The following PCDHGA1 variants were observed in gnomAD, a reference collection of about 807,000 sequenced individuals.
PCDHGA1 encodes the protein protocadherin gamma subfamily A, 1.
In PCDHGA1, 32 loss-of-function variants were observed where a neutral mutation model predicts 58.0. The observed-to-expected ratio is 0.55, with a 90% confidence interval of 0.42 to 0.74. The LOEUF (loss-of-function observed/expected upper bound fraction) is 0.74, where lower values mean the gene tolerates loss of function less well. Among genes scored for constraint, PCDHGA1 ranks in the 30% least tolerant of loss-of-function variants. The pLI, the probability that PCDHGA1 is intolerant of heterozygous loss-of-function variation, is 0.00. For synonymous variants in PCDHGA1, 498 were observed against 501.1 expected (o/e 0.99, Z 0.08); for missense variants, 1,205 against 1,182.3 (o/e 1.02, Z -0.28).
chr5:141,374,475 C>T (rs765909880), intron 1 of PCDHGA1: 4 of 1,612,136 alleles, frequency 2.5e-6, no homozygotes, highest in Admixed American at 1.7e-5. Context: ...GACAATACAC[C>T]CCGATTCTTA....
chr5:141,390,105 T>C (rs2092048923), intron 1 of PCDHGA1: 4 of 1,614,052 alleles, frequency 2.5e-6, no homozygotes, highest in African/African-American at 1.3e-5. Flanking sequence ...TCCCCCCAAC[T>C]ACAGCGAGGG....
At chr5:141,460,909 G>A (rs1473458228) in intron 1 of PCDHGA1, among the ~76,000 whole-genome samples, 4 of 123,246 alleles carry the variant, frequency 3.2e-5, no homozygotes, top group Non-Finnish European at 6.6e-5. Context: ...AATATTCCAT[G>A]GTGTATATAT....
At chr5:141,360,817 A>C (rs772114545) in intron 1 of PCDHGA1, 1 of 1,614,006 alleles carries the variant, frequency 6.2e-7, no homozygotes, top group South Asian at 1.1e-5. Context: ...CACGACCCAA[A>C]TCCGAATCAA....
At chr5:141,470,252 C>T (rs1010559144) in intron 1 of PCDHGA1, among the ~76,000 whole-genome samples, 3 of 152,160 alleles carry the variant, frequency 2.0e-5, no homozygotes, top group Admixed American at 1.3e-4. Context: ...TCCCACCTGT[C>T]TAAATGGAGA....
At chr5:141,344,809 C>T in intron 1 of PCDHGA1, 1 of 1,613,952 alleles carries the variant, frequency 6.2e-7, no homozygotes, top group Non-Finnish European at 8.5e-7. Flanking sequence ...CCTGTGGGTA[C>T]CCGGCTGCTC....
intron 1 of PCDHGA1, chr5:141,388,815 A>G: frequency 1.2e-6 from 2 of 1,613,992 alleles, no homozygotes; most frequent in Non-Finnish European, 1.7e-6. Flanking sequence ...TGAAGAAGTC[A>G]AAGAATATTC....
intron 1 of PCDHGA1, chr5:141,339,586 G>A: frequency 3.7e-6 from 6 of 1,614,190 alleles, no homozygotes; most frequent in East Asian, 2.2e-5. Flanking sequence ...GCGAGGAAGA[G>A]GCTGTTCACC....
At chr5:141,371,910 T>C in intron 1 of PCDHGA1, 1 of 1,613,364 alleles carries the variant, frequency 6.2e-7, no homozygotes, top group South Asian at 1.1e-5. Flanking sequence ...GTCCTACGTG[T>C]CCGTGAGCGC....
chr5:141,404,361 C>A, intron 1 of PCDHGA1: 3 of 1,613,956 alleles, frequency 1.9e-6, no homozygotes, highest in Non-Finnish European at 2.5e-6. Context: ...AGAGGTACTT[C>A]CATCTTCTCC....
At chr5:141,360,280 A>T (rs1761513313) in intron 1 of PCDHGA1, 1 of 1,613,856 alleles carries the variant, frequency 6.2e-7, no homozygotes, top group African/African-American at 1.3e-5. Context: ...GGTCGTAGGA[A>T]ACCTCGCCAA....
chr5:141,468,339 A>G (rs1320544911), intron 1 of PCDHGA1: 2 of 151,348 alleles, frequency 1.3e-5, no homozygotes, highest in Non-Finnish European at 2.9e-5. Context: ...TCAAAAAAAA[A>G]AAAAAAAAAA....
chr5:141,452,015 C>T (rs2098730990), intron 1 of PCDHGA1, among the ~76,000 whole-genome samples: 1 of 152,306 alleles, frequency 6.6e-6, no homozygotes, highest in African/African-American at 2.4e-5. Context: ...GTCCAGCCCA[C>T]ACTCTGGGGA....
intron 1 of PCDHGA1, chr5:141,422,184 A>T: frequency 6.4e-7 from 1 of 1,561,838 alleles, no homozygotes; most frequent in Non-Finnish European, 8.6e-7. Context: ...ATGAGATGGA[A>T]ATTCAAGGCC....
At chr5:141,395,135 C>A (rs2093181761) in intron 1 of PCDHGA1, 3 of 1,614,104 alleles carry the variant, frequency 1.9e-6, no homozygotes, top group Non-Finnish European at 2.5e-6. Flanking sequence ...CCCAGCCCAA[C>A]TACGCAGACA....
At chr5:141,345,539 C>T (rs748154971) in intron 1 of PCDHGA1, 3 of 1,614,080 alleles carry the variant, frequency 1.9e-6, no homozygotes, top group African/African-American at 1.3e-5. Flanking sequence ...CGCCCCTGTC[C>T]TCCTTCGTCT....
chr5:141,387,571 T>C (rs1183327637), intron 1 of PCDHGA1: 2 of 474,240 alleles, frequency 4.2e-6, no homozygotes, highest in African/African-American at 2.0e-5. Flanking sequence ...ACAATTATAA[T>C]TATTGCACTG....
chr5:141,460,791 C>A (rs2098997892), intron 1 of PCDHGA1, among the ~76,000 whole-genome samples: 1 of 151,666 alleles, frequency 6.6e-6, no homozygotes, highest in Non-Finnish European at 1.5e-5. Context: ...TATATACACA[C>A]AAAGTATATA....
At chr5:141,340,764 C>T (rs267600445) in intron 1 of PCDHGA1, 4 of 1,613,952 alleles carry the variant, frequency 2.5e-6, no homozygotes, top group East Asian at 4.5e-5. Context: ...GACAGAGACT[C>T]GGGCCAGAAC....
Position 141,366,326 on chromosome 5 carries a change from G to A in PCDHGA1, c.2421+33221G>A, listed in dbSNP as rs377206764. ...CTTCACGGTCACCGTTGCCGTGGCCGACAGGATCCCTGACATCCTGGCTGA... is the reference window on the plus strand; with the variant it reads ...CTTCACGGTCACCGTTGCCGTGGCCAACAGGATCCCTGACATCCTGGCTGA... On this transcript the variant is annotated intron_variant, in intron 1 of 3. Coordinates refer to ENST00000517417, the MANE Select transcript of PCDHGA1 (RefSeq NM_018912.3). 4 of 1,613,810 alleles carry A rather than the reference G, an allele frequency of 2.5e-6. No individual in the cohort carries two copies. The African/African-American group carries it at 4.0e-5, about 16-fold the overall frequency.
Sources: allele counts gnomAD v4.1 joint callset (sites outside exome capture counted in the v4.1 genomes callset), GRCh38; gene constraint gnomAD v4.1.1; transcripts MANE v1.5; gene names NCBI Gene and HGNC (gene_info 2026-07-23, HGNC 2026-07-21).